TENM4: variants seen among roughly 807,000 people sequenced by gnomAD.
TENM4 encodes teneurin transmembrane protein 4.
In TENM4, 82 loss-of-function variants were observed where a neutral mutation model predicts 243.3. The observed-to-expected ratio is 0.34, with a 90% CI of 0.28 to 0.40. The LOEUF (loss-of-function observed/expected upper bound fraction) is 0.40, where lower values mean the gene tolerates loss of function less well. TENM4 is among the 10% of genes least tolerant of loss of function. The probability of loss-of-function intolerance (pLI) is 1.00; values close to 1 mark genes in which losing one functional copy is unlikely to be tolerated. For synonymous variants in TENM4, 1,412 were observed against 1,456.3 expected, an observed-to-expected ratio of 0.97 and a Z score of 0.69; for missense variants, 3,138 against 3,673.3, an observed-to-expected ratio of 0.85 and a Z score of 3.77.
chr11:78,676,220 G>C lies in TENM4; in HGVS notation c.5428C>G (p.Leu1810Val). Residue 1810 changes from leucine to valine, a missense_variant, in exon 30 of 34, where the codon CTG becomes GTG. Transcript: ENST00000278550. ...TCTTTGCGCTGGCGCCACTCCACCA[G>C]GTTGAGGCCGTTGTCGATGGGCAGC... ...VTLPIDNGLN[L>V]VEWRQRKEQA... 1 of 1,598,464 alleles carries C rather than the reference G, an allele frequency of 6.3e-7. No homozygotes were observed. The highest frequency in any genetic ancestry group is 8.5e-7 in the Non-Finnish European group (1 of 1,171,468).
chr11:78,884,750 G>A (rs1855513910), intron 9 of TENM4, among the ~76,000 whole-genome samples: 1 of 152,244 alleles, frequency 6.6e-6, no homozygotes, highest in Non-Finnish European at 1.5e-5. Context: ...CAGGTTAAAA[G>A]TGTGAGCTCA....
At chr11:78,937,317 ATG>A (rs1270799639) in intron 6 of TENM4, among the ~76,000 whole-genome samples, 1 of 152,214 alleles carries the variant, frequency 6.6e-6, no homozygotes, top group Non-Finnish European at 1.5e-5. Context: ...CAGTGCCAGC[ATG>A]TGTTTCCCAG....
chr11:79,056,443 G>C (rs1859945034), intron 6 of TENM4, among the ~76,000 whole-genome samples: 1 of 151,998 alleles, frequency 6.6e-6, no homozygotes. Context: ...ATCTGGGCCA[G>C]GACTTCTTAA....
chr11:79,255,858 A>G (rs1020033092), intron 2 of TENM4, among the ~76,000 whole-genome samples: 17 of 152,348 alleles, frequency 1.1e-4, no homozygotes, highest in Non-Finnish European at 2.1e-4. Flanking sequence ...TAAATAAGGT[A>G]AGAGAAAGTG....
chr11:79,298,689 G>A (rs1856499718), intron 1 of TENM4, among the ~76,000 whole-genome samples: 1 of 152,152 alleles, frequency 6.6e-6, no homozygotes, highest in South Asian at 2.1e-4. Context: ...CTACAGATAT[G>A]ATTTCATGAT....
At chr11:78,891,423 G>T in intron 7 of TENM4, 87 bp from the exon 8 acceptor site, 1 of 1,188,018 alleles carries the variant, frequency 8.4e-7, no homozygotes, top group South Asian at 1.3e-5. Context: ...TGGCTGTTTG[G>T]TGCAGCTGTG....
intron 4 of TENM4, among the ~76,000 whole-genome samples, chr11:79,090,861 T>C (rs1388535371): frequency 6.6e-6 from 1 of 152,214 alleles, no homozygotes; most frequent in Non-Finnish European, 1.5e-5. Context: ...TGGTCCTATC[T>C]TGTGGGACTT....
At chr11:78,763,585 T>A (rs1389909952) in intron 18 of TENM4, among the ~76,000 whole-genome samples, 1 of 152,202 alleles carries the variant, frequency 6.6e-6, no homozygotes, top group Non-Finnish European at 1.5e-5. Context: ...GAGATCCCTC[T>A]TTGATGCCTG....
chr11:78,780,399 G>A (rs1022016881), intron 16 of TENM4, among the ~76,000 whole-genome samples: 1 of 152,192 alleles, frequency 6.6e-6, no homozygotes, highest in Non-Finnish European at 1.5e-5. Flanking sequence ...GGTTTTGTTA[G>A]CTTTCTTATC....
At chr11:78,697,741 A>G (rs1859002804) in intron 28 of TENM4, among the ~76,000 whole-genome samples, 1 of 152,180 alleles carries the variant, frequency 6.6e-6, no homozygotes, top group African/African-American at 2.4e-5. Flanking sequence ...TTATAATAGG[A>G]GTTGTCACAG....
intron 9 of TENM4, among the ~76,000 whole-genome samples, chr11:78,879,365 GA>G (rs1859361169): frequency 6.6e-6 from 1 of 151,984 alleles, no homozygotes; most frequent in Non-Finnish European, 1.5e-5. Context: ...TCTGAGAGGT[GA>G]GGAGCGCCTC....
intron 6 of TENM4, among the ~76,000 whole-genome samples, chr11:79,004,730 A>C (rs991021868): frequency 2.0e-5 from 3 of 152,172 alleles, no homozygotes; most frequent in African/African-American, 7.2e-5. Context: ...AGCTAGTAGA[A>C]GACAAGAAAT....
chr11:79,023,313 A>C (rs1255516866), intron 6 of TENM4, among the ~76,000 whole-genome samples: 1 of 152,152 alleles, frequency 6.6e-6, no homozygotes, highest in Non-Finnish European at 1.5e-5. Context: ...TAATCCCAGC[A>C]CTTTGGGAGG....
At position 79,130,153 on chromosome 11, in the gene TENM4, G is replaced by A. The variant is rs182511612; in HGVS notation, c.-66+18557C>T. 2.7e-4 allele frequency among the ~76,000 whole-genome samples: 41 copies of A among 152,180 alleles called. No individual in the cohort carries two copies. In the East Asian group the frequency reaches 6.0e-3, roughly 22 times the overall value. On this transcript the variant is annotated intron_variant, in intron 4 of 33. Transcript: ENST00000278550. ...AGAGAGACAACAATCATTGCAGTTC[G>A]GCTTACAGGAGCGCACATCCATAGG...
chr11:78,826,386 C>T (rs113266222), intron 12 of TENM4, among the ~76,000 whole-genome samples: 2,449 of 152,194 alleles, frequency 0.016, 62 homozygotes, highest in African/African-American at 0.054. Flanking sequence ...CATGCTCGGC[C>T]GGTCTCCTCC....
intron 2 of TENM4, among the ~76,000 whole-genome samples, chr11:79,285,118 G>T (rs539308467): frequency 2.0e-5 from 3 of 152,134 alleles, no homozygotes; most frequent in African/African-American, 7.2e-5. Flanking sequence ...GGCATCTGTA[G>T]TCCCAGCTAC....
At chr11:79,004,626 T>TAAAC (rs1307216780) in intron 6 of TENM4, among the ~76,000 whole-genome samples, 1 of 152,120 alleles carries the variant, frequency 6.6e-6, no homozygotes, top group Non-Finnish European at 1.5e-5. Context: ...ACTATAGCGC[T>TAAAC]AAACAGTCAC....
At chr11:79,358,070 C>G (rs1207867903) in intron 1 of TENM4, among the ~76,000 whole-genome samples, 2 of 152,162 alleles carry the variant, frequency 1.3e-5, no homozygotes, top group African/African-American at 2.4e-5. Context: ...GGGCTACCCC[C>G]CAAAATATCA....
chr11:78,768,012 G>T lies in TENM4; in HGVS notation c.2539+2980C>A, dbSNP rs186031643. ...CTGAAAGTAGCCCAATGCAAATATG[G>T]TTTACTCTTGTGCTCCTTTCTTCCT... is the stretch of plus-strand genomic sequence containing the variant. On this transcript the variant is annotated intron_variant, in intron 18 of 33. Transcript: ENST00000278550. Among the ~76,000 whole-genome samples, 3 of 152,326 alleles carry T rather than the reference G, an allele frequency of 2.0e-5. No homozygotes were observed. The East Asian group carries it at 5.8e-4, about 29-fold the overall frequency.
Sources: allele counts gnomAD v4.1 joint callset (sites outside exome capture counted in the v4.1 genomes callset), GRCh38; gene constraint gnomAD v4.1.1; transcripts MANE v1.5; gene names NCBI Gene and HGNC (gene_info 2026-07-23, HGNC 2026-07-21).